CMTR1: variants seen among roughly 807,000 people sequenced by gnomAD.
CMTR1 encodes cap-specific mRNA (nucleoside-2'-O-)-methyltransferase 1.
Under a neutral mutation model 107.0 loss-of-function variants are expected in CMTR1, and 39 were observed. The ratio of observed to expected loss-of-function variants is 0.36; its 90% confidence interval spans 0.28 to 0.48. The LOEUF (loss-of-function observed/expected upper bound fraction) is 0.48. Ranked by LOEUF, CMTR1 falls within the 20% of genes least tolerant of loss-of-function variation. The probability of loss-of-function intolerance (pLI) is 0.99; values close to 1 mark genes in which losing one functional copy is unlikely to be tolerated. For missense variants in CMTR1, 672 were observed against 1,064.9 expected (o/e 0.63, Z 5.14); for synonymous variants, 366 against 379.5 (o/e 0.96, Z 0.41).
At chr6:37,425,228 T>A in the CMTR1 span, among the ~76,000 whole-genome samples, 4 of 150,840 alleles carry the variant, frequency 2.7e-5, no homozygotes, top group African/African-American at 9.8e-5. Context: ...TTTCCCTCAC[T>A]TTTGAGGGAC....
At chr6:37,444,853 C>T (rs1581731111) in intron 3 of CMTR1, among the ~76,000 whole-genome samples, 2 of 151,876 alleles carry the variant, frequency 1.3e-5, no homozygotes, top group African/African-American at 4.8e-5. Flanking sequence ...GGTGAAACCC[C>T]GTCTCTACTA....
At chr6:37,446,050 C>A (rs1771787178) in intron 3 of CMTR1, among the ~76,000 whole-genome samples, 1 of 152,162 alleles carries the variant, frequency 6.6e-6, no homozygotes, top group African/African-American at 2.4e-5. Context: ...GCTATGAGGT[C>A]CCTTCTCATT....
At chr6:37,424,536 C>T in the CMTR1 span, among the ~76,000 whole-genome samples, 2 of 151,964 alleles carry the variant, frequency 1.3e-5, no homozygotes, top group African/African-American at 4.8e-5. Flanking sequence ...TGTGAGCCAC[C>T]GCGCCCGGCC....
In CMTR1 at chr6:37,450,579, A is replaced by G. The variant is rs187555680; in HGVS notation, c.537+236A>G. Among the ~76,000 whole-genome samples the G allele has an allele frequency of 1.2e-3, 185 of 152,280 alleles. 2 individuals are homozygous for G. The Middle Eastern group carries it at 0.017, about 14-fold the overall frequency. On this transcript the variant is annotated intron_variant, in intron 5 of 23. Transcript: ENST00000373451. The stretch of plus-strand genomic sequence containing the variant: ...TTATTTAAATTGTAAGGCAGATAAA[A>G]TGTATAACCTCTGTCTTCTTCATGG...
chr6:37,474,864 C>T (rs2113894104), intron 18 of CMTR1, among the ~76,000 whole-genome samples: 1 of 152,330 alleles, frequency 6.6e-6, no homozygotes, highest in Middle Eastern at 3.4e-3. Context: ...TCAGAGGAGA[C>T]CTCGATTGTC....
intron 2 of CMTR1, among the ~76,000 whole-genome samples, chr6:37,440,945 A>G (rs1431316295): frequency 6.6e-6 from 1 of 152,204 alleles, no homozygotes; most frequent in Non-Finnish European, 1.5e-5. Flanking sequence ...TCCTTTGAGA[A>G]GGATACCGGG....
intron 14 of CMTR1, among the ~76,000 whole-genome samples, chr6:37,471,588 C>T (rs62406516): frequency 0.52 from 78,602 of 151,946 alleles, 23,112 homozygotes; most frequent in Middle Eastern, 0.67. Context: ...GCATCCAGGT[C>T]GTCTGGAGGG....
intron 8 of CMTR1, 45 bp downstream of exon 8, chr6:37,453,357 T>C: frequency 1.9e-6 from 3 of 1,560,454 alleles, no homozygotes; most frequent in Non-Finnish European, 2.7e-6. Context: ...CTAAGAGGGC[T>C]TAAGTTTCAG....
intron 8 of CMTR1, among the ~76,000 whole-genome samples, chr6:37,454,300 A>G (rs528883553): frequency 9.2e-5 from 14 of 152,090 alleles, no homozygotes; most frequent in African/African-American, 3.1e-4. Flanking sequence ...AGCTCCACCT[A>G]CCTAACTGCT....
At chr6:37,428,254 T>C (rs1368607429), upstream of CMTR1, among the ~76,000 whole-genome samples, 5 of 152,160 alleles carry the variant, frequency 3.3e-5, no homozygotes, top group Non-Finnish European at 5.9e-5. Flanking sequence ...ACAAGGGTGG[T>C]GTCATTGCAA....
At chr6:37,430,766 G>A (rs955881792), upstream of CMTR1, among the ~76,000 whole-genome samples, 13 of 152,150 alleles carry the variant, frequency 8.5e-5, no homozygotes, top group African/African-American at 2.7e-4. Flanking sequence ...TGTAATCCCA[G>A]TCCTTTGGGA....
chr6:37,475,554 C>T, intron 19 of CMTR1, 142 bp downstream of exon 19: 1 of 701,080 alleles, frequency 1.4e-6, no homozygotes, highest in Admixed American at 2.5e-5. Flanking sequence ...CACCCACTGA[C>T]TGGTCCCAAA....
intron 4 of CMTR1, among the ~76,000 whole-genome samples, chr6:37,448,055 C>CA (rs1246997006): frequency 1.3e-5 from 2 of 151,456 alleles, no homozygotes; most frequent in African/African-American, 2.4e-5. Context: ...CTAAAAAATA[C>CA]AAAAAATTAG....
chr6:37,458,666 G>A lies in CMTR1; in HGVS notation c.832G>A (p.Ala278Thr). 6.2e-7 allele frequency: 1 copy of A among 1,614,026 alleles called. No homozygotes were observed. The highest frequency in any genetic ancestry group is 8.5e-7 in the Non-Finnish European group (1 of 1,180,030). The change falls in exon 9 of 24, where the codon GCA becomes ACA. Residue 278 changes from alanine (A) to threonine (T), a missense_variant. Ala to Thr is a moderately conservative substitution (Grantham distance 58). Coordinates refer to ENST00000373451, the MANE Select transcript of CMTR1 (RefSeq NM_015050.3). This position sits in a 1 kb window ranked among gnomAD's most constrained non-coding sequence, Gnocchi z 4.7. ...AELLYFADVC[A>T]GPGGFSEYVL... ...GCTTCTGTACTTTGCTGATGTCTGCGCAGGCCCAGGTGGCTTCTCAGAGTA... is the reference window on the plus strand; with the variant it reads ...GCTTCTGTACTTTGCTGATGTCTGCACAGGCCCAGGTGGCTTCTCAGAGTA...
At chr6:37,446,143 A>C in intron 3 of CMTR1, 148 bp from the exon 4 acceptor site, 4 of 877,764 alleles carry the variant, frequency 4.6e-6, no homozygotes, top group Non-Finnish European at 6.9e-6. Context: ...TTATTTATTT[A>C]TGCTTCTTTT....
At position 37,474,541 on chromosome 6, in the gene CMTR1, A is replaced by G. The variant is rs11963196; in HGVS notation, c.1839A>G (p.Thr613=). 9.1e-3 allele frequency: 14,619 copies of G among 1,613,726 alleles called. 876 individuals carry two copies. In the African/African-American group the frequency reaches 0.15, roughly 16 times the overall value. The part of the protein sequence containing the change: ...LIGLGKSQIY[T]WDGRQSDRWI... ...GCCTGTAGAAATCCCAGATCTACAC[A>G]TGGGATGGCCGCCAGTCAGACCGCT... Residue 613 remains threonine (T), a synonymous_variant, in exon 18 of 24, where the codon ACA becomes ACG. Coordinates refer to ENST00000373451, the MANE Select transcript of CMTR1 (RefSeq NM_015050.3).
intron 4 of CMTR1, among the ~76,000 whole-genome samples, chr6:37,447,483 A>G (rs756837342): frequency 7.2e-5 from 11 of 152,334 alleles, no homozygotes; most frequent in African/African-American, 1.2e-4. Context: ...GATGGTTTCT[A>G]TGTCTTCATT....
chr6:37,461,142 A>C (rs1382868936), intron 10 of CMTR1, among the ~76,000 whole-genome samples: 1 of 151,920 alleles, frequency 6.6e-6, no homozygotes, highest in African/African-American at 2.4e-5. Flanking sequence ...CACTGTACTC[A>C]CTCCCTGGTC....
intron 8 of CMTR1, among the ~76,000 whole-genome samples, chr6:37,454,592 G>C (rs1761251913): frequency 6.6e-6 from 1 of 152,164 alleles, no homozygotes; most frequent in African/African-American, 2.4e-5. Context: ...CTGGTATCTG[G>C]TTATTGCCTT....
Sources: allele counts gnomAD v4.1 joint callset (sites outside exome capture counted in the v4.1 genomes callset), GRCh38; gene constraint gnomAD v4.1.1; non-coding constraint Gnocchi (gnomAD v3.1); transcripts MANE v1.5; gene names NCBI Gene and HGNC (gene_info 2026-07-23, HGNC 2026-07-21).